Variants in GLI3 observed in about 807,000 individuals in gnomAD.
The protein encoded by GLI3 is transcription activator GLI3.
In GLI3, 20 loss-of-function variants were observed where a neutral mutation model predicts 100.8. The ratio of observed to expected loss-of-function variants is 0.20; its 90% confidence interval spans 0.14 to 0.29. GLI3 has a LOEUF of 0.29. GLI3 is among the 10% of genes least tolerant of loss of function. The pLI is 1.00. For missense variants in GLI3, 2,040 were observed against 2,128.5 expected (o/e 0.96, Z 0.82); for synonymous variants, 938 against 860.5 (o/e 1.09, Z -1.58).
chr7:42,194,757 C>CTTTTTTT (rs1338910591), intron 2 of GLI3, among the ~76,000 whole-genome samples: 9 of 81,856 alleles, frequency 1.1e-4, no homozygotes, highest in South Asian at 7.7e-4. Flanking sequence ...CTCTCTCTGT[C>CTTTTTTT]TCTTTTTTTT....
At chr7:42,246,482 C>A (rs1370266710) in intron 1 of GLI3, among the ~76,000 whole-genome samples, 1 of 152,130 alleles carries the variant, frequency 6.6e-6, no homozygotes, top group Admixed American at 6.6e-5. Flanking sequence ...TACATGTTAG[C>A]AATTGTATGC....
At chr7:42,153,121 T>G (rs1386711565) in intron 2 of GLI3, among the ~76,000 whole-genome samples, 1 of 152,230 alleles carries the variant, frequency 6.6e-6, no homozygotes. Flanking sequence ...TTGGGAATTC[T>G]GAGCAAATTT....
intron 2 of GLI3, among the ~76,000 whole-genome samples, chr7:42,159,894 AT>A (rs1787092501): frequency 6.6e-6 from 1 of 152,200 alleles, no homozygotes; most frequent in Admixed American, 6.5e-5. Flanking sequence ...GCAGGATGTT[AT>A]TTCTTTTTCA....
chr7:42,249,268 C>T lies in GLI3; in HGVS notation c.-43+14726G>A, dbSNP rs148855445. 7.9e-5 allele frequency among the ~76,000 whole-genome samples: 12 copies of T among 152,226 alleles called. No individual in the cohort carries two copies. In the East Asian group the frequency reaches 1.5e-3, roughly 20 times the overall value. ...CACAAAAGCAGTCATAGAGCATACACGAAAGAATGGGAGGGGCTGTGTTCC... is the reference window on the plus strand; with the variant it reads ...CACAAAAGCAGTCATAGAGCATACATGAAAGAATGGGAGGGGCTGTGTTCC... On this transcript the variant is annotated intron_variant, in intron 1 of 2. Transcript: ENST00000678978.
intron 10 of GLI3, among the ~76,000 whole-genome samples, chr7:41,993,668 A>C (rs1354635802): frequency 6.6e-6 from 1 of 152,224 alleles, no homozygotes; most frequent in African/African-American, 2.4e-5. Flanking sequence ...CTCAGTAAAT[A>C]CTTGCTGGAG....
chr7:42,108,677 C>G (rs1243601519), intron 3 of GLI3, among the ~76,000 whole-genome samples: 5 of 152,124 alleles, frequency 3.3e-5, no homozygotes. Context: ...ATGATTAAGA[C>G]TTCTTTAGCA....
At chr7:42,244,146 T>A (rs556526294) in intron 1 of GLI3, among the ~76,000 whole-genome samples, 1 of 152,330 alleles carries the variant, frequency 6.6e-6, no homozygotes, top group African/African-American at 2.4e-5. Flanking sequence ...TTTTGACTAG[T>A]TCTTTCTACT....
chr7:42,104,486 C>G (rs774883776), intron 3 of GLI3, among the ~76,000 whole-genome samples: 7 of 152,122 alleles, frequency 4.6e-5, no homozygotes, highest in Non-Finnish European at 8.8e-5. Context: ...ATAAAGTAGG[C>G]ATTTCCAAAT....
chr7:42,025,807 A>G (rs117677532), intron 8 of GLI3, among the ~76,000 whole-genome samples: 53 of 152,360 alleles, frequency 3.5e-4, no homozygotes, highest in Non-Finnish European at 5.7e-4. Context: ...GCACAGTTTT[A>G]GTCTTACTCT....
Position 41,972,747 on chromosome 7 carries a change from T to C in GLI3, c.1813-120A>G. The C allele has an allele frequency of 1.2e-6, 1 of 806,650 alleles. No homozygotes were observed. The highest frequency in any genetic ancestry group is 1.5e-5 in the South Asian group (1 of 68,344). The allele number at this position is 806,650 out of a possible 1,614,324, so 50.0% of individuals were successfully genotyped here. A position where few individuals can be genotyped will look rare whatever the true frequency, so the allele number is the denominator to read the frequency against. The stretch of plus-strand genomic sequence containing the variant: ...TCCTTTCAAAACACTTTCACAAGGC[T>C]TTGAGGTGTTCAGATACCTCTAGGA... On this transcript the variant is annotated intron_variant, in intron 12 of 14. Transcript: ENST00000395925. The surrounding 1 kb of genome is among the most constrained non-coding windows in gnomAD (Gnocchi z 4.4).
intron 2 of GLI3, among the ~76,000 whole-genome samples, chr7:42,165,594 T>C (rs560727831): frequency 1.3e-5 from 2 of 152,296 alleles, no homozygotes; most frequent in South Asian, 4.1e-4. Context: ...TTAAATCAAA[T>C]AGACTGCTGG....
chr7:42,093,287 G>A (rs1392482477), intron 3 of GLI3, among the ~76,000 whole-genome samples: 10 of 151,046 alleles, frequency 6.6e-5, no homozygotes, highest in Admixed American at 2.0e-4. Flanking sequence ...GCTGAGGCAG[G>A]AGAATCACTT....
At chr7:42,236,706 C>T (rs928888680) in intron 1 of GLI3, among the ~76,000 whole-genome samples, 2 of 152,214 alleles carry the variant, frequency 1.3e-5, no homozygotes, top group South Asian at 2.1e-4. Flanking sequence ...CTTCGTCCCC[C>T]CTCCGGGAGG....
chr7:41,974,242 T>G (rs1302571198), intron 12 of GLI3, among the ~76,000 whole-genome samples: 1 of 152,218 alleles, frequency 6.6e-6, no homozygotes, highest in Non-Finnish European at 1.5e-5. Context: ...GCTCCTGCAC[T>G]TCCAGAAACA....
chr7:42,156,127 C>T (rs2128791030), intron 2 of GLI3, among the ~76,000 whole-genome samples: 1 of 152,254 alleles, frequency 6.6e-6, no homozygotes, highest in Non-Finnish European at 1.5e-5. Flanking sequence ...AAAGACTTGC[C>T]AAATCCAGCA....
chr7:42,182,572 A>G (rs1474068638), intron 2 of GLI3, among the ~76,000 whole-genome samples: 2 of 148,648 alleles, frequency 1.3e-5, no homozygotes, highest in African/African-American at 5.0e-5. Flanking sequence ...CAACTTTCCA[A>G]TATTCAATGG....
At chr7:42,173,594 T>C (rs959067277) in intron 2 of GLI3, among the ~76,000 whole-genome samples, 6 of 152,178 alleles carry the variant, frequency 3.9e-5, no homozygotes, top group Non-Finnish European at 7.3e-5. Context: ...ACCTGAATGA[T>C]CCTGCCAGAG....
chr7:41,969,515 G>A (rs1787311821), intron 13 of GLI3, among the ~76,000 whole-genome samples: 1 of 152,188 alleles, frequency 6.6e-6, no homozygotes, highest in Non-Finnish European at 1.5e-5. Context: ...ACCAAGCAGA[G>A]CCAAATAAGT....
intron 10 of GLI3, among the ~76,000 whole-genome samples, chr7:42,018,786 C>T (rs1198937531): frequency 6.6e-6 from 1 of 152,126 alleles, no homozygotes; most frequent in African/African-American, 2.4e-5. Context: ...GTTAATCACT[C>T]TACAAAAAGA....
Sources: allele counts gnomAD v4.1 joint callset (sites outside exome capture counted in the v4.1 genomes callset), GRCh38; gene constraint gnomAD v4.1.1; non-coding constraint Gnocchi (gnomAD v3.1); transcripts MANE v1.5; gene names NCBI Gene and HGNC (gene_info 2026-07-23, HGNC 2026-07-21).